Variants in HEATR5B observed in about 807,000 individuals in gnomAD.
HEATR5B encodes the protein HEAT repeat containing 5B.
A neutral mutation model predicts 224.1 loss-of-function variants in HEATR5B; 156 were observed. The observed-to-expected ratio is 0.70, with a 90% CI of 0.61 to 0.80. The LOEUF (loss-of-function observed/expected upper bound fraction) is 0.80. Among genes scored for constraint, HEATR5B ranks in the 30% least tolerant of loss-of-function variants. The pLI, the probability that HEATR5B is intolerant of heterozygous loss-of-function variation, is 0.00. For missense variants in HEATR5B, 2,323 were observed against 2,535.5 expected, an observed-to-expected ratio of 0.92 and a Z score of 1.80; for synonymous variants, 1,027 against 893.0, an observed-to-expected ratio of 1.15 and a Z score of -2.68.
intron 21 of HEATR5B, among the ~76,000 whole-genome samples, chr2:37,034,579 C>T (rs1208074639): frequency 7.5e-6 from 1 of 132,680 alleles, no homozygotes; most frequent in African/African-American, 2.9e-5. Context: ...CGCCACTGCA[C>T]TCCAGCCTGG....
chr2:37,019,267 A>T (rs1668316505), intron 26 of HEATR5B, among the ~76,000 whole-genome samples: 1 of 152,108 alleles, frequency 6.6e-6, no homozygotes, highest in South Asian at 2.1e-4. Context: ...AAATGTCTAT[A>T]TTGTGAAATT....
intron 2 of HEATR5B, among the ~76,000 whole-genome samples, chr2:37,082,376 G>C (rs1338836554): frequency 6.6e-6 from 1 of 151,934 alleles, no homozygotes; most frequent in Non-Finnish European, 1.5e-5. Flanking sequence ...CACCATGCCG[G>C]GCCATATCTA....
At chr2:37,026,726 T>G (rs996502798) in intron 24 of HEATR5B, among the ~76,000 whole-genome samples, 6 of 152,234 alleles carry the variant, frequency 3.9e-5, no homozygotes, top group Non-Finnish European at 8.8e-5. Flanking sequence ...AAAAACACTA[T>G]GTTCATGATG....
At chr2:36,991,745 A>G (rs1017870709) in intron 33 of HEATR5B, among the ~76,000 whole-genome samples, 1 of 152,154 alleles carries the variant, frequency 6.6e-6, no homozygotes. Flanking sequence ...TTTTGTGTAA[A>G]TTTGACCTAT....
intron 3 of HEATR5B, among the ~76,000 whole-genome samples, chr2:37,077,464 A>G (rs1279670218): frequency 6.6e-6 from 1 of 152,176 alleles, no homozygotes; most frequent in African/African-American, 2.4e-5. Flanking sequence ...GCATGCCACC[A>G]TTCCCAGCTC....
intron 33 of HEATR5B, among the ~76,000 whole-genome samples, chr2:36,996,969 C>T (rs1454197495): frequency 8.6e-6 from 1 of 115,964 alleles, no homozygotes; most frequent in Non-Finnish European, 1.9e-5. Context: ...GTGATCAACC[C>T]ACCTTGACCT....
intron 18 of HEATR5B, among the ~76,000 whole-genome samples, chr2:37,045,507 T>G (rs1024943863): frequency 3.9e-5 from 6 of 152,204 alleles, no homozygotes; most frequent in Non-Finnish European, 8.8e-5. Context: ...CTTTCTATTC[T>G]GAATAGTGGG....
chr2:37,029,681 C>T (rs895896523), intron 22 of HEATR5B, among the ~76,000 whole-genome samples: 1 of 151,830 alleles, frequency 6.6e-6, no homozygotes, highest in African/African-American at 2.4e-5. Flanking sequence ...TGGCTCATGC[C>T]TGTAATCCCA....
At chr2:37,001,808 G>A (rs1267384761) in intron 32 of HEATR5B, among the ~76,000 whole-genome samples, 1 of 150,230 alleles carries the variant, frequency 6.7e-6, no homozygotes, top group African/African-American at 2.5e-5. Flanking sequence ...GGATTACAGG[G>A]CATACGCCAC....
In HEATR5B at chr2:37,037,907, T is replaced by G; in HGVS notation, c.3164A>C (p.His1055Pro). The change falls in exon 21 of 36, where the codon CAC becomes CCC. Residue 1055 changes from histidine to proline, a missense_variant. His to Pro is a moderately conservative substitution (Grantham distance 77). This residue lies in a region of HEATR5B where 88 missense variants were observed against 86.8 expected (regional missense o/e 1.01). Transcript: ENST00000233099. Reference sequence around the variant, plus strand: ...ATTGACATGTCGTGGTGCAAACATGTGAAGCTGCTGAAGGCAAGATATGGC... The same window carrying G: ...ATTGACATGTCGTGGTGCAAACATGGGAAGCTGCTGAAGGCAAGATATGGC... ...AAAISCLQQL[H>P]MFAPRHVNLS... 6.2e-7 allele frequency: 1 copy of G among 1,600,570 alleles called. No homozygotes were observed. Among genetic ancestry groups the G allele is most frequent in the Non-Finnish European group, 8.5e-7 (1 of 1,171,556 alleles).
chr2:36,989,925 A>G (rs1265200679), intron 34 of HEATR5B, among the ~76,000 whole-genome samples: 2 of 26,196 alleles, frequency 7.6e-5, no homozygotes, highest in Non-Finnish European at 1.3e-4. Flanking sequence ...TTTTTTTTTG[A>G]GACGGAGTCT....
chr2:37,079,309 TTC>T lies in HEATR5B; in HGVS notation c.147_148del (p.Lys51ThrfsTer3). 6.2e-7 allele frequency: 1 copy of T among 1,607,790 alleles called. No homozygotes were observed. The highest frequency in any genetic ancestry group is 8.5e-7 in the Non-Finnish European group (1 of 1,178,026). ...TCCAGTTAATTGTTCAACAAGTTTT[TTC>T]TGTTTTTCCTTTACATCGGTCTGTT... is the stretch of plus-strand genomic sequence containing the variant. On this transcript the variant is annotated frameshift_variant, in exon 3 of 36. Transcript: ENST00000233099. LOFTEE classifies it high-confidence loss of function.
chr2:37,012,847 A>C (rs982163359), intron 27 of HEATR5B, among the ~76,000 whole-genome samples: 8 of 152,158 alleles, frequency 5.3e-5, no homozygotes, highest in Non-Finnish European at 1.2e-4. Flanking sequence ...ACTTTCTCCA[A>C]AAAGGCTACT....
chr2:37,045,068 TG>T (rs1253932027), intron 18 of HEATR5B, among the ~76,000 whole-genome samples: 1 of 152,222 alleles, frequency 6.6e-6, no homozygotes, highest in Non-Finnish European at 1.5e-5. Flanking sequence ...AGGTTTCCTT[TG>T]GGCTGTTTTT....
chr2:37,000,653 GCCAGCCT>G lies in HEATR5B; in HGVS notation c.5471_5477del (p.Glu1824AlafsTer9). The G allele has an allele frequency of 1.9e-6, 3 of 1,614,174 alleles. No homozygotes were observed. Among genetic ancestry groups the G allele is most frequent in the Non-Finnish European group, 1.7e-6 (2 of 1,180,038 alleles). ...TCAGAGCTGTCCACTGTTTTTGAAC[GCCAGCCT>G]CAGTTTTGGCCATTGAAAGTGTCAC... On this transcript the variant is annotated frameshift_variant, in exon 33 of 36. Transcript: ENST00000233099. LOFTEE classifies it high-confidence loss of function.
At position 37,015,062 on chromosome 2, in the gene HEATR5B, G is replaced by A. The variant is rs184339464; in HGVS notation, c.4105-1042C>T. Among the ~76,000 whole-genome samples, 65 of 152,280 alleles carry A rather than the reference G, an allele frequency of 4.3e-4. 2 individuals are homozygous for A. In the East Asian group the frequency reaches 8.5e-3, roughly 20 times the overall value. ...AAACACAGATTGAATGAACACATGG[G>A]AATGTTTTATGACTGTAATATGGGA... is the stretch of plus-strand genomic sequence containing the variant. On this transcript the variant is annotated intron_variant, in intron 26 of 35. Coordinates refer to ENST00000233099, the MANE Select transcript of HEATR5B (RefSeq NM_019024.3).
In HEATR5B at chr2:37,083,923, C is replaced by G. The variant is rs17020189; in HGVS notation, c.-23+346G>C. 6.1e-4 allele frequency among the ~76,000 whole-genome samples: 93 copies of G among 152,328 alleles called. 1 individual carries two copies. The East Asian group carries it at 0.011, about 19-fold the overall frequency. On this transcript the variant is annotated intron_variant, in intron 1 of 35. Coordinates refer to ENST00000233099, the MANE Select transcript of HEATR5B (RefSeq NM_019024.3). ...TCCCGAACTGCAGGTCTCCAAGACT[C>G]TTCCTACGCGGATGGGTGGGGCGGC... is the stretch of plus-strand genomic sequence containing the variant.
intron 35 of HEATR5B, among the ~76,000 whole-genome samples, chr2:36,984,237 T>TAAA (rs1553411544): frequency 8.9e-6 from 1 of 112,040 alleles, no homozygotes; most frequent in African/African-American, 3.2e-5. Context: ...TATATATATA[T>TAAA]AAAACTGGAA....
chr2:37,047,558 T>C (rs959171173), intron 18 of HEATR5B, among the ~76,000 whole-genome samples: 1 of 152,224 alleles, frequency 6.6e-6, no homozygotes, highest in Non-Finnish European at 1.5e-5. Flanking sequence ...TTCAATTGAA[T>C]GGAAATAAAT....
Sources: gnomAD v4.1 joint callset for allele counts (sites outside exome capture counted in the v4.1 genomes callset) on GRCh38, gnomAD v4.1.1 for gene constraint, gnomAD v4.1.1 regional missense constraint, MANE v1.5 for transcripts, NCBI Gene and HGNC (gene_info 2026-07-23, HGNC 2026-07-21) for gene names.